Variants in LEKR1 observed in about 807,000 individuals in gnomAD.
The protein encoded by LEKR1 is protein LEKR1.
LEKR1 carries 59 observed loss-of-function variants against 72.4 expected under a neutral mutation model. The observed-to-expected ratio is 0.82, with a 90% CI of 0.66 to 1.01. The LOEUF is 1.01. Among genes scored for constraint, LEKR1 ranks in the 50% least tolerant of loss-of-function variants. The pLI, the probability that LEKR1 is intolerant of heterozygous loss-of-function variation, is 0.00. For synonymous variants in LEKR1, 257 were observed against 263.2 expected (o/e 0.98, Z 0.23); for missense variants, 728 against 759.2 (o/e 0.96, Z 0.48).
chr3:156,912,392 G>A (rs907338135), intron 3 of LEKR1, among the ~76,000 whole-genome samples: 4 of 152,178 alleles, frequency 2.6e-5, no homozygotes, highest in Non-Finnish European at 5.9e-5. Flanking sequence ...GTTCGCATAA[G>A]GAGTGGGGGG....
chr3:156,833,970 A>G (rs945179477), intron 2 of LEKR1, among the ~76,000 whole-genome samples: 13 of 151,968 alleles, frequency 8.6e-5, no homozygotes, highest in Non-Finnish European at 1.8e-4. Context: ...AGTATTACAA[A>G]AAAACTTTGT....
At chr3:156,871,646 A>G (rs925212820) in intron 3 of LEKR1, among the ~76,000 whole-genome samples, 3 of 152,150 alleles carry the variant, frequency 2.0e-5, no homozygotes, top group Admixed American at 1.3e-4. Flanking sequence ...AATGATTGCC[A>G]TTCTAACTGG....
At chr3:156,952,970 T>TAA (rs1727299975) in intron 6 of LEKR1, among the ~76,000 whole-genome samples, 1 of 151,486 alleles carries the variant, frequency 6.6e-6, no homozygotes, top group Admixed American at 6.6e-5. Flanking sequence ...GGAAGATACA[T>TAA]AACATTGCAT....
chr3:156,981,281 T>G (rs527835565), intron 7 of LEKR1, among the ~76,000 whole-genome samples: 9 of 152,330 alleles, frequency 5.9e-5, no homozygotes, highest in African/African-American at 2.2e-4. Context: ...CCATTTAATA[T>G]TAACACATGC....
At chr3:156,997,213 C>T (rs1174031269) in intron 9 of LEKR1, among the ~76,000 whole-genome samples, 2 of 152,078 alleles carry the variant, frequency 1.3e-5, no homozygotes, top group Admixed American at 6.6e-5. Flanking sequence ...GGTTCTTTCC[C>T]CTTCCCTCCT....
At chr3:156,970,107 T>G (rs1316055744) in intron 6 of LEKR1, among the ~76,000 whole-genome samples, 1 of 152,234 alleles carries the variant, frequency 6.6e-6, no homozygotes, top group Non-Finnish European at 1.5e-5. Flanking sequence ...AATTAGGTAT[T>G]GATGGGACAT....
intron 7 of LEKR1, chr3:156,988,078 C>G (rs936051040): frequency 6.5e-6 from 1 of 153,130 alleles, no homozygotes; most frequent in African/African-American, 2.4e-5. Flanking sequence ...GTCCATGTGA[C>G]TTGGAGACAT....
intron 12 of LEKR1, among the ~76,000 whole-genome samples, chr3:157,033,952 CT>C (rs1158197058): frequency 2.6e-5 from 4 of 152,052 alleles, no homozygotes; most frequent in Non-Finnish European, 5.9e-5. Context: ...CTACTCTACT[CT>C]GTGCTTTATA....
intron 10 of LEKR1, among the ~76,000 whole-genome samples, chr3:157,015,977 T>C (rs1159167162): frequency 6.6e-6 from 1 of 152,002 alleles, no homozygotes; most frequent in Non-Finnish European, 1.5e-5. Flanking sequence ...AAGAAAAGCT[T>C]AGTGAACTTG....
intron 10 of LEKR1, among the ~76,000 whole-genome samples, chr3:157,014,074 G>A (rs1733113465): frequency 1.3e-5 from 2 of 152,028 alleles, no homozygotes; most frequent in South Asian, 4.1e-4. Context: ...GCAAATTAAT[G>A]TGGATGCTGA....
In LEKR1 at chr3:156,890,419, A is replaced by T. The variant is rs188760490; in HGVS notation, c.264-30156A>T. On this transcript the variant is annotated intron_variant, in intron 3 of 12. Coordinates refer to ENST00000356539, the MANE Select transcript of LEKR1 (RefSeq NM_001004316.3). ...TATCTAAATGATAAAATATTAATTC[A>T]TTTAAGTACGTATAATTGATAAAAC... 2.0e-4 allele frequency among the ~76,000 whole-genome samples: 31 copies of T among 152,322 alleles called. No individual in the cohort carries two copies. The East Asian group carries it at 6.0e-3, about 29-fold the overall frequency.
At chr3:156,840,472 T>A (rs914153246) in intron 2 of LEKR1, among the ~76,000 whole-genome samples, 6 of 152,262 alleles carry the variant, frequency 3.9e-5, no homozygotes, top group African/African-American at 1.4e-4. Flanking sequence ...AAAGATTGAC[T>A]TAAATTGTGA....
intron 3 of LEKR1, among the ~76,000 whole-genome samples, chr3:156,872,048 G>A (rs1049289047): frequency 4.0e-5 from 6 of 151,456 alleles, no homozygotes; most frequent in African/African-American, 9.7e-5. Context: ...GAATAGTTCA[G>A]CAGTGAAACT....
chr3:156,995,519 C>T (rs539541807), intron 9 of LEKR1, among the ~76,000 whole-genome samples: 1 of 152,120 alleles, frequency 6.6e-6, no homozygotes, highest in African/African-American at 2.4e-5. Context: ...AGTTTACAGA[C>T]ATGATGTCTG....
At chr3:157,035,177 G>A (rs1734874916) in intron 12 of LEKR1, among the ~76,000 whole-genome samples, 1 of 152,074 alleles carries the variant, frequency 6.6e-6, no homozygotes. Flanking sequence ...TATATGCAAT[G>A]GGAAACCAAA....
intron 10 of LEKR1, among the ~76,000 whole-genome samples, chr3:157,020,015 G>A (rs559428566): frequency 6.6e-6 from 1 of 152,242 alleles, no homozygotes; most frequent in South Asian, 2.1e-4. Flanking sequence ...GCTAGTAATA[G>A]TCAATCATTC....
intron 7 of LEKR1, among the ~76,000 whole-genome samples, chr3:156,981,743 T>C (rs1194483818): frequency 6.6e-6 from 1 of 152,054 alleles, no homozygotes; most frequent in East Asian, 1.9e-4. Flanking sequence ...GAGGCTAGAG[T>C]CAAATGTGTG....
chr3:156,938,558 G>A (rs977896690), intron 5 of LEKR1, among the ~76,000 whole-genome samples: 1 of 152,062 alleles, frequency 6.6e-6, no homozygotes, highest in African/African-American at 2.4e-5. Context: ...TGTATTTTTA[G>A]TAGAGACAGG....
At chr3:156,900,180 G>A (rs2108562972) in intron 3 of LEKR1, among the ~76,000 whole-genome samples, 1 of 152,228 alleles carries the variant, frequency 6.6e-6, no homozygotes, top group East Asian at 1.9e-4. Context: ...CTGGTTTTGT[G>A]GGAAGAATGT....
Sources: gnomAD v4.1 joint callset for allele counts (sites outside exome capture counted in the v4.1 genomes callset) on GRCh38, gnomAD v4.1.1 for gene constraint, MANE v1.5 for transcripts, NCBI Gene and HGNC (gene_info 2026-07-23, HGNC 2026-07-21) for gene names.